DPP3: variants seen among roughly 807,000 people sequenced by gnomAD.
DPP3 encodes the protein dipeptidyl peptidase 3, also known as DPP III.
In DPP3, 64 loss-of-function variants were observed where a neutral mutation model predicts 89.8. That is an observed-to-expected ratio of 0.71 (90% CI 0.58 to 0.88). DPP3 has a LOEUF of 0.88. DPP3 is among the 40% of genes least tolerant of loss of function. The probability of loss-of-function intolerance (pLI) is 0.00; values close to 1 mark genes in which losing one functional copy is unlikely to be tolerated. For missense variants in DPP3, 835 were observed against 972.5 expected, an observed-to-expected ratio of 0.86 and a Z score of 1.88; for synonymous variants, 377 against 404.3, an observed-to-expected ratio of 0.93 and a Z score of 0.81.
intron 6 of DPP3, 77 bp from the exon 7 acceptor site, chr11:66,491,176 T>G: frequency 6.3e-7 from 1 of 1,586,012 alleles, no homozygotes; most frequent in Non-Finnish European, 8.5e-7. Flanking sequence ...CCGGCTGAGG[T>G]GTCTTACTCA....
chr11:66,491,396 G>A lies in DPP3; in HGVS notation c.798+13G>A, dbSNP rs1351055916. 1.5e-5 allele frequency: 24 copies of A among 1,612,074 alleles called. No individual in the cohort carries two copies. The highest frequency in any genetic ancestry group is 2.0e-5 in the Non-Finnish European group (24 of 1,178,788). ...GGAGAAAGCCAAGGTTGGACTGGCT[G>A]GGGGCTGAGGGGTGCGGGCTGAGGA... On this transcript the variant is annotated intron_variant, in intron 7 of 17. Transcript: ENST00000531863.
chr11:66,491,350 C>A lies in DPP3; in HGVS notation c.765C>A (p.Leu255=). The change falls in exon 7 of 18, where the codon CTC becomes CTA. Residue 255 remains leucine (L), a synonymous_variant. Coordinates refer to ENST00000531863, the MANE Select transcript of DPP3 (RefSeq NM_130443.4). The part of the protein sequence containing the change: ...QVTRGDYAPI[L]QKVVEQLEKA... Reference sequence around the variant, plus strand: ...CCCGGGGGGACTACGCGCCCATCCTCCAGAAGGTGGTGGAGCAGCTGGAGA... The same window carrying A: ...CCCGGGGGGACTACGCGCCCATCCTACAGAAGGTGGTGGAGCAGCTGGAGA... 1 of 1,614,018 alleles carries A rather than the reference C, an allele frequency of 6.2e-7. No homozygotes were observed. The highest frequency in any genetic ancestry group is 8.5e-7 in the Non-Finnish European group (1 of 1,179,994).
chr11:66,498,748 G>A (rs556425005), intron 16 of DPP3, among the ~76,000 whole-genome samples: 8 of 152,314 alleles, frequency 5.3e-5, no homozygotes, highest in Non-Finnish European at 1.2e-4. Context: ...TTTCCCTGGC[G>A]TGATGGCTCA....
At chr11:66,501,047 G>A (rs558563748) in intron 16 of DPP3, among the ~76,000 whole-genome samples, 2 of 152,156 alleles carry the variant, frequency 1.3e-5, no homozygotes, top group Non-Finnish European at 2.9e-5. Flanking sequence ...AATTAGCCGG[G>A]TATGGTGGCA....
chr11:66,480,654 G>A (rs1015292657), intron 1 of DPP3, 189 bp downstream of exon 1: 1 of 590,920 alleles, frequency 1.7e-6, no homozygotes, highest in Non-Finnish European at 2.6e-6. Flanking sequence ...GAACCTCGAG[G>A]CTGTGCTATT....
chr11:66,496,309 G>A (rs1855533881), intron 15 of DPP3, among the ~76,000 whole-genome samples: 1 of 151,748 alleles, frequency 6.6e-6, no homozygotes, highest in African/African-American at 2.4e-5. Context: ...TGCAGTGGCC[G>A]GATCTCGGCT....
At chr11:66,481,447 G>A (rs1284076138) in intron 1 of DPP3, among the ~76,000 whole-genome samples, 1 of 152,012 alleles carries the variant, frequency 6.6e-6, no homozygotes, top group East Asian at 1.9e-4. Context: ...TCAAGATCAT[G>A]CCACTGCACT....
At position 66,491,644 on chromosome 11, in the gene DPP3, C is replaced by T; in HGVS notation, c.929+20C>T. The T allele has an allele frequency of 6.2e-7, 1 of 1,610,316 alleles. No individual in the cohort carries two copies. Among genetic ancestry groups the T allele is most frequent in the South Asian group, 1.1e-5 (1 of 90,974 alleles). Reference sequence around the variant, plus strand: ...GGAGAGGTGAGGCGCCAGCTCCACCCCACCTGCCCCCTCCTGCCTGCCCCT... The same window carrying T: ...GGAGAGGTGAGGCGCCAGCTCCACCTCACCTGCCCCCTCCTGCCTGCCCCT... On this transcript the variant is annotated intron_variant, in intron 8 of 17. Coordinates refer to ENST00000531863, the MANE Select transcript of DPP3 (RefSeq NM_130443.4).
At position 66,492,697 on chromosome 11, in the gene DPP3, C is replaced by T. The variant is rs1420902864; in HGVS notation, c.989-19C>T. ...CTCCTGGAACCCTGCCAAGCCACAA[C>T]CCCCTCCCTCCTCTGCAGGTTTCGT... On this transcript the variant is annotated intron_variant, in intron 9 of 17. Transcript: ENST00000531863. 6.5e-7 allele frequency: 1 copy of T among 1,546,716 alleles called. No homozygotes were observed. Among genetic ancestry groups the T allele is most frequent in the African/African-American group, 1.4e-5 (1 of 72,670 alleles).
chr11:66,507,493 C>T (rs1447452320), intron 17 of DPP3, among the ~76,000 whole-genome samples: 1 of 151,532 alleles, frequency 6.6e-6, no homozygotes, highest in Non-Finnish European at 1.5e-5. Flanking sequence ...TAATAATCAT[C>T]ATCATAATCA....
chr11:66,480,626 G>A (rs1855047224), intron 1 of DPP3, 161 bp downstream of exon 1: 2 of 807,024 alleles, frequency 2.5e-6, no homozygotes, highest in Non-Finnish European at 3.5e-6. Context: ...GGGGAGCAAA[G>A]AGTTAACAGC....
Position 66,495,708 on chromosome 11 carries a change from C to T in DPP3, c.1656C>T (p.Leu552=), listed in dbSNP as rs767656780. The part of the protein sequence containing the change: ...NWLNMVRAGL[L]ALEFYTPEAF... ...TCAACATGGTTCGGGCCGGGCTGCTCGCTCTGGAGTTCTACACACCTGAGG... is the reference window on the plus strand; with the variant it reads ...TCAACATGGTTCGGGCCGGGCTGCTTGCTCTGGAGTTCTACACACCTGAGG... Residue 552 remains leucine, a synonymous_variant, in exon 15 of 18, where the codon CTC becomes CTT. Coordinates refer to ENST00000531863, the MANE Select transcript of DPP3 (RefSeq NM_130443.4). The T allele has an allele frequency of 3.1e-6, 5 of 1,612,630 alleles. No individual in the cohort carries two copies. Among genetic ancestry groups the T allele is most frequent in the African/African-American group, 2.7e-5 (2 of 74,710 alleles).
intron 17 of DPP3, among the ~76,000 whole-genome samples, chr11:66,507,160 T>C (rs1480385496): frequency 6.6e-6 from 1 of 152,004 alleles, no homozygotes; most frequent in Non-Finnish European, 1.5e-5. Context: ...GATGATAAGA[T>C]ATGGAGATAA....
chr11:66,509,653 C>A lies in DPP3; in HGVS notation c.*402C>A. On this transcript the variant is annotated 3_prime_UTR_variant, in exon 18 of 18. Coordinates refer to ENST00000531863, the MANE Select transcript of DPP3 (RefSeq NM_130443.4). The stretch of plus-strand genomic sequence containing the variant: ...CAGACAAATAAATATTAGAGACAAC[C>A]ACCATCTTTGCGGCGTGTGTGGCTC... 1 of 481,888 alleles carries A rather than the reference C, an allele frequency of 2.1e-6. No homozygotes were observed. The highest frequency in any genetic ancestry group is 3.9e-6 in the Non-Finnish European group (1 of 257,326). 29.9% of individuals were successfully genotyped at this position (481,888 alleles called of 1,614,324 possible).
intron 9 of DPP3, among the ~76,000 whole-genome samples, chr11:66,492,014 G>C (rs1455721795): frequency 6.6e-6 from 1 of 152,182 alleles, no homozygotes; most frequent in Admixed American, 6.5e-5. Context: ...GGCACAGTTG[G>C]GGGGTGGCCC....
At chr11:66,496,704 G>C (rs900518607) in intron 15 of DPP3, among the ~76,000 whole-genome samples, 1 of 152,018 alleles carries the variant, frequency 6.6e-6, no homozygotes, top group African/African-American at 2.4e-5. Flanking sequence ...GTGAGCCACC[G>C]CATCCCACCA....
intron 9 of DPP3, 120 bp from the exon 10 acceptor site, chr11:66,492,596 C>A: frequency 2.4e-6 from 3 of 1,247,600 alleles, no homozygotes; most frequent in Non-Finnish European, 3.3e-6. Context: ...CTATCCCCAT[C>A]TTCCAGCCCA....
Position 66,509,499 on chromosome 11 carries a change from C to T in DPP3, c.*248C>T, listed in dbSNP as rs191165872. On this transcript the variant is annotated 3_prime_UTR_variant, in exon 18 of 18. Transcript: ENST00000531863. The stretch of plus-strand genomic sequence containing the variant: ...GAGTGAGCAAGACAGGGCTTACCAT[C>T]CTGTCTACCAGATGAGGAAATGGCA... The T allele has an allele frequency of 7.8e-7, 1 of 1,280,202 alleles. No individual in the cohort carries two copies. The highest frequency in any genetic ancestry group is 1.5e-5 in the African/African-American group (1 of 67,974). 79.3% of individuals were successfully genotyped at this position (1,280,202 alleles called of 1,614,324 possible).
intron 12 of DPP3, among the ~76,000 whole-genome samples, chr11:66,493,965 G>A (rs1301649203): frequency 6.6e-6 from 1 of 152,156 alleles, no homozygotes; most frequent in Admixed American, 6.5e-5. Context: ...CTCAGGCTAA[G>A]GAAGCACACC....
Sources: gnomAD v4.1 joint callset for allele counts (sites outside exome capture counted in the v4.1 genomes callset) on GRCh38, gnomAD v4.1.1 for gene constraint, MANE v1.5 for transcripts, NCBI Gene and HGNC (gene_info 2026-07-23, HGNC 2026-07-21) for gene names.